Variants in SGCZ observed in about 807,000 individuals in gnomAD.
The protein encoded by SGCZ is zeta-sarcoglycan.
SGCZ carries 40 observed loss-of-function variants against 41.3 expected under a neutral mutation model. The observed-to-expected ratio is 0.97, with a 90% CI of 0.75 to 1.26. The LOEUF is 1.26. Among genes scored for constraint, SGCZ ranks in the 50% most tolerant of loss-of-function variants. The probability of loss-of-function intolerance (pLI) is 0.00; values close to 1 mark genes in which losing one functional copy is unlikely to be tolerated. For missense variants in SGCZ, 552 were observed against 369.8 expected (o/e 1.49, Z -4.04); for synonymous variants, 206 against 137.5 (o/e 1.50, Z -3.49).
Position 14,497,332 on chromosome 8 carries a change from G to C in SGCZ, c.234+57400C>G, listed in dbSNP as rs60211940. 8.9e-3 allele frequency among the ~76,000 whole-genome samples: 1,362 copies of C among 152,242 alleles called. 17 individuals carry two copies. Among genetic ancestry groups the C allele is most frequent in the African/African-American group, 0.031 (1,286 of 41,548 alleles). ...TGTCTCATGGTCAGAGAGGGAGCAA[G>C]AGAAAGAAGGGAGAGGTCCAAGTCT... is the stretch of plus-strand genomic sequence containing the variant. On this transcript the variant is annotated intron_variant, in intron 2 of 7. Transcript: ENST00000382080.
At chr8:14,560,884 T>C (rs1804188339) in intron 1 of SGCZ, among the ~76,000 whole-genome samples, 1 of 152,100 alleles carries the variant, frequency 6.6e-6, no homozygotes. Flanking sequence ...AAAAAAGTTA[T>C]GAAATTAAAG....
chr8:14,980,977 A>G (rs1801644811), intron 1 of SGCZ, among the ~76,000 whole-genome samples: 1 of 152,188 alleles, frequency 6.6e-6, no homozygotes, highest in Admixed American at 6.5e-5. Context: ...CAGATGCACA[A>G]TAGCATTCCC....
At chr8:14,287,403 T>C (rs886789101) in intron 3 of SGCZ, among the ~76,000 whole-genome samples, 2 of 151,732 alleles carry the variant, frequency 1.3e-5, no homozygotes, top group Non-Finnish European at 1.5e-5. Context: ...GTGCTAAGAC[T>C]CTACAAAGAC....
At position 15,237,715 on chromosome 8, in the gene SGCZ, C is replaced by T. The variant is rs151292167; in HGVS notation, c.-92G>A. ...GTTTCCAGCTTAAACTCAGCTTTAT[C>T]CTCCTCCAAGCCCCGGCAGCTCCTC... On this transcript the variant is annotated 5_prime_UTR_variant, in exon 1 of 8. Transcript: ENST00000382080. 0.018 allele frequency: 26,034 copies of T among 1,410,266 alleles called. 304 individuals are homozygous for T. Among genetic ancestry groups the T allele is most frequent in the Middle Eastern group, 0.038 (214 of 5,662 alleles). 87.4% of individuals were successfully genotyped at this position (1,410,266 alleles called of 1,614,324 possible).
chr8:14,892,531 T>C (rs1805053466), intron 1 of SGCZ, among the ~76,000 whole-genome samples: 1 of 152,204 alleles, frequency 6.6e-6, no homozygotes, highest in South Asian at 2.1e-4. Context: ...ACATTAACTG[T>C]TCCTTTTTTT....
chr8:14,778,281 G>A (rs975114926), intron 1 of SGCZ, among the ~76,000 whole-genome samples: 4 of 152,092 alleles, frequency 2.6e-5, no homozygotes, highest in Non-Finnish European at 5.9e-5. Context: ...CAGAATTAAG[G>A]TGAAAAACTG....
At chr8:15,237,268 C>A (rs930876237) in intron 1 of SGCZ, among the ~76,000 whole-genome samples, 1 of 149,814 alleles carries the variant, frequency 6.7e-6, no homozygotes, top group Non-Finnish European at 1.5e-5. Flanking sequence ...CCCGGGGAGA[C>A]GAGCCGGCAA....
chr8:15,188,208 T>C (rs1585654401), intron 1 of SGCZ, among the ~76,000 whole-genome samples: 1 of 152,070 alleles, frequency 6.6e-6, no homozygotes, highest in East Asian at 1.9e-4. Flanking sequence ...TTTCTACAAG[T>C]CAAATAAAAT....
chr8:14,398,234 G>C (rs1161213583), intron 2 of SGCZ, among the ~76,000 whole-genome samples: 1 of 152,144 alleles, frequency 6.6e-6, no homozygotes, highest in African/African-American at 2.4e-5. Context: ...AGGTGGGAGA[G>C]TTATTCGAGC....
At chr8:14,754,923 G>A (rs376609896) in intron 1 of SGCZ, among the ~76,000 whole-genome samples, 2 of 152,012 alleles carry the variant, frequency 1.3e-5, no homozygotes, top group East Asian at 1.9e-4. Context: ...TAGAGACGGC[G>A]TTTCACCATT....
chr8:14,185,693 T>C (rs1475435767), intron 4 of SGCZ, among the ~76,000 whole-genome samples: 2 of 152,188 alleles, frequency 1.3e-5, no homozygotes, highest in African/African-American at 4.8e-5. Flanking sequence ...TGTTTTGTTT[T>C]GGTCTATATC....
intron 3 of SGCZ, among the ~76,000 whole-genome samples, chr8:14,294,313 A>T (rs1328459747): frequency 6.6e-6 from 1 of 151,948 alleles, no homozygotes; most frequent in African/African-American, 2.4e-5. Flanking sequence ...ACACAACATT[A>T]CTAAAACTCC....
At chr8:14,108,015 A>ATTCT in intron 6 of SGCZ, 148 bp downstream of exon 6, 1 of 685,756 alleles carries the variant, frequency 1.5e-6, no homozygotes, top group Non-Finnish European at 2.4e-6. Context: ...TTTTTTCCAC[A>ATTCT]TTCTTCCTAT....
rs534118177 is a variant in SGCZ, at chr8:14,761,762, T to C, written c.40-206836A>G. On this transcript the variant is annotated intron_variant, in intron 1 of 7. Transcript: ENST00000382080. ...TATAGTACAAACTCCTGAACTCAAG[T>C]GATCCACCCACTTCGGCCTCCAAAA... is the stretch of plus-strand genomic sequence containing the variant. Among the ~76,000 whole-genome samples, 641 of 152,086 alleles carry C rather than the reference T, an allele frequency of 4.2e-3. 5 individuals carry two copies. Among genetic ancestry groups the C allele is most frequent in the African/African-American group, 0.015 (621 of 41,498 alleles).
intron 1 of SGCZ, among the ~76,000 whole-genome samples, chr8:15,070,863 C>T (rs186401006): frequency 3.9e-5 from 6 of 152,284 alleles, no homozygotes; most frequent in Admixed American, 2.0e-4. Flanking sequence ...GCTATAGAAA[C>T]ACTGAGGTGT....
At chr8:15,043,348 G>A (rs144080478) in intron 1 of SGCZ, among the ~76,000 whole-genome samples, 37 of 152,162 alleles carry the variant, frequency 2.4e-4, no homozygotes, top group African/African-American at 8.4e-4. Context: ...ATAATTTTCA[G>A]TTAATCTCAT....
intron 1 of SGCZ, among the ~76,000 whole-genome samples, chr8:15,091,385 T>C (rs1806149300): frequency 6.6e-6 from 1 of 152,168 alleles, no homozygotes; most frequent in African/African-American, 2.4e-5. Context: ...TACAAGAAAA[T>C]GTGTATTTTT....
At chr8:14,888,147 A>G (rs1804879050) in intron 1 of SGCZ, among the ~76,000 whole-genome samples, 1 of 152,214 alleles carries the variant, frequency 6.6e-6, no homozygotes, top group African/African-American at 2.4e-5. Context: ...TGAGCATCAC[A>G]TACTTTTTCA....
At chr8:14,771,126 A>G (rs142253760) in intron 1 of SGCZ, among the ~76,000 whole-genome samples, 81 of 152,224 alleles carry the variant, frequency 5.3e-4, no homozygotes, top group African/African-American at 1.8e-3. Context: ...TTGGGTAAAT[A>G]AGGATCATAC....
Sources: gnomAD v4.1 joint callset for allele counts (sites outside exome capture counted in the v4.1 genomes callset) on GRCh38, gnomAD v4.1.1 for gene constraint, MANE v1.5 for transcripts, NCBI Gene and HGNC (gene_info 2026-07-23, HGNC 2026-07-21) for gene names.